Variants in PTPRN2 observed in about 807,000 individuals in gnomAD.
PTPRN2 encodes protein tyrosine phosphatase receptor type N2, also known as receptor-type tyrosine-protein phosphatase N2.
In PTPRN2, 74 loss-of-function variants were observed where a neutral mutation model predicts 118.8. That is an observed-to-expected ratio of 0.62 (90% CI 0.52 to 0.76). The LOEUF (loss-of-function observed/expected upper bound fraction) is 0.76. Ranked by LOEUF, PTPRN2 falls within the 30% of genes least tolerant of loss-of-function variation. The pLI, the probability that PTPRN2 is intolerant of heterozygous loss-of-function variation, is 0.00. For missense variants in PTPRN2, 1,481 were observed against 1,394.4 expected (o/e 1.06, Z -0.99); for synonymous variants, 641 against 608.0 (o/e 1.05, Z -0.80).
intron 12 of PTPRN2, among the ~76,000 whole-genome samples, chr7:157,778,910 C>G (rs903226322): frequency 7.9e-5 from 12 of 152,230 alleles, no homozygotes; most frequent in Non-Finnish European, 7.3e-5. Flanking sequence ...GCTCTCTGGA[C>G]AGACCACATT....
Position 157,617,031 on chromosome 7 carries a change from A to G in PTPRN2, c.2344+4331T>C, listed in dbSNP as rs749824198. The stretch of plus-strand genomic sequence containing the variant: ...ACACGCACAATCTCAGGTGAGCCCA[A>G]GACAGCCTATGAGGATGGCACTGGG... On this transcript the variant is annotated intron_variant, in intron 15 of 22. Transcript: ENST00000389418. This position sits in a 1 kb window ranked among gnomAD's most constrained non-coding sequence, Gnocchi z 7.5. The G allele has an allele frequency of 6.6e-6, 1 of 152,290 alleles. No homozygotes were observed. Among genetic ancestry groups the G allele is most frequent in the African/African-American group, 2.4e-5 (1 of 41,468 alleles). The allele number at this position is 152,290 out of a possible 1,614,324, so 9.4% of individuals were successfully genotyped here. A position where few individuals can be genotyped will look rare whatever the true frequency, so the allele number is the denominator to read the frequency against.
intron 3 of PTPRN2, among the ~76,000 whole-genome samples, chr7:158,209,934 A>G (rs981464513): frequency 6.6e-6 from 1 of 152,214 alleles, no homozygotes; most frequent in Non-Finnish European, 1.5e-5. Context: ...ATTAAACAAT[A>G]TGCTTCTGAA....
intron 2 of PTPRN2, among the ~76,000 whole-genome samples, chr7:158,365,554 G>A (rs900998142): frequency 6.6e-6 from 1 of 152,188 alleles, no homozygotes; most frequent in Non-Finnish European, 1.5e-5. Context: ...AGGTGTTGTT[G>A]AAGCCCGTTA....
intron 1 of PTPRN2, among the ~76,000 whole-genome samples, chr7:158,548,120 A>G (rs966209947): frequency 2.0e-5 from 3 of 152,212 alleles, no homozygotes; most frequent in Non-Finnish European, 4.4e-5. Context: ...AGCAGGCGAC[A>G]TCCACTCTGC....
chr7:158,512,190 G>C (rs1181555386), intron 1 of PTPRN2, among the ~76,000 whole-genome samples: 10 of 152,194 alleles, frequency 6.6e-5, no homozygotes, highest in South Asian at 4.1e-4. Context: ...CTCTGGAAAC[G>C]AGCAGAGCCT....
chr7:157,696,057 G>A (rs1447951502), intron 12 of PTPRN2, among the ~76,000 whole-genome samples: 2 of 121,006 alleles, frequency 1.7e-5, no homozygotes, highest in Non-Finnish European at 3.4e-5. Context: ...ACTGGGTCTT[G>A]GAAGAGCCCT....
rs374831408 is a variant in PTPRN2 at position 158,134,036 on chromosome 7, G to C, written c.1197C>G (p.Leu399=). The C allele has an allele frequency of 6.2e-6, 10 of 1,613,548 alleles. No homozygotes were observed. Among genetic ancestry groups the C allele is most frequent in the Non-Finnish European group, 8.5e-6 (10 of 1,179,882 alleles). Residue 399 remains leucine (L), a synonymous_variant, in exon 9 of 23, where the codon CTC becomes CTG. Transcript: ENST00000389418. The part of the protein sequence containing the change: ...YQEVHRLSAT[L]GGLLQDHGSR... ...ACCCGTGGTCCTGCAGGAGGCCCCCGAGTGTGGCACTCAGACGATGGACCT... is the reference window on the plus strand; with the variant it reads ...ACCCGTGGTCCTGCAGGAGGCCCCCCAGTGTGGCACTCAGACGATGGACCT...
intron 11 of PTPRN2, among the ~76,000 whole-genome samples, chr7:158,025,249 A>T (rs534536195): frequency 1.3e-5 from 2 of 152,286 alleles, no homozygotes; most frequent in African/African-American, 4.8e-5. Flanking sequence ...TGGCAGGTAA[A>T]GCCACAATGC....
chr7:158,091,828 G>A (rs1327065507), intron 10 of PTPRN2, among the ~76,000 whole-genome samples: 1 of 65,198 alleles, frequency 1.5e-5, no homozygotes, highest in Non-Finnish European at 3.1e-5. Flanking sequence ...GGTTGGGTGA[G>A]TGGATGGGTG....
intron 1 of PTPRN2, among the ~76,000 whole-genome samples, chr7:158,532,285 T>G (rs1164186181): frequency 7.2e-5 from 11 of 152,196 alleles, no homozygotes; most frequent in African/African-American, 2.7e-4. Flanking sequence ...CTGTCCATTC[T>G]CAAGCCACGT....
Position 158,254,170 on chromosome 7 carries a change from G to C in PTPRN2, c.278-48897C>G, listed in dbSNP as rs377238508. 6.6e-3 allele frequency among the ~76,000 whole-genome samples: 154 copies of C among 23,190 alleles called. 10 individuals are homozygous for C. The highest frequency in any genetic ancestry group is 0.048 in the Middle Eastern group (2 of 42). 15.2% of individuals were successfully genotyped at this position (23,190 alleles called of 152,430 possible). On this transcript the variant is annotated intron_variant, in intron 3 of 22. Coordinates refer to ENST00000389418, the MANE Select transcript of PTPRN2 (RefSeq NM_002847.5). ...ACGTTCAGGAGCATCCCTGTAACTG[G>C]ACAGTGGCACAGAGCCACTGCCGCC...
chr7:157,954,321 T>C (rs1279409273), intron 11 of PTPRN2, among the ~76,000 whole-genome samples: 1 of 144,958 alleles, frequency 6.9e-6, no homozygotes, highest in East Asian at 2.1e-4. Context: ...GTACTGTGTG[T>C]GTGCTGTGTG....
intron 2 of PTPRN2, among the ~76,000 whole-genome samples, chr7:158,432,265 C>T (rs1816266794): frequency 6.6e-6 from 1 of 152,222 alleles, no homozygotes; most frequent in Non-Finnish European, 1.5e-5. Context: ...AGCGGCGGGG[C>T]CTTGAGCCAG....
chr7:158,351,695 C>T (rs1310563623), intron 2 of PTPRN2, among the ~76,000 whole-genome samples: 6 of 152,078 alleles, frequency 3.9e-5, no homozygotes, highest in East Asian at 1.9e-4. Context: ...TGCAGGCAGC[C>T]GGGCCAGTCC....
chr7:157,682,204 A>G (rs1796945845), intron 13 of PTPRN2, among the ~76,000 whole-genome samples: 2 of 152,130 alleles, frequency 1.3e-5, no homozygotes, highest in East Asian at 1.9e-4. Context: ...TGGTGCCTCT[A>G]GAGAAGGTGT....
intron 16 of PTPRN2, among the ~76,000 whole-genome samples, chr7:157,602,593 G>A (rs1022912558): frequency 6.6e-5 from 10 of 151,830 alleles, no homozygotes; most frequent in African/African-American, 2.4e-4. Flanking sequence ...ATCAGTGACC[G>A]CTGAGACCAG....
At chr7:158,243,402 C>T (rs754028799) in intron 3 of PTPRN2, among the ~76,000 whole-genome samples, 65 of 152,218 alleles carry the variant, frequency 4.3e-4, no homozygotes, top group Non-Finnish European at 4.6e-4. Context: ...GTGAGCACAA[C>T]AGCCTGGACA....
At chr7:157,879,490 T>C (rs920413162) in intron 12 of PTPRN2, among the ~76,000 whole-genome samples, 2 of 152,234 alleles carry the variant, frequency 1.3e-5, no homozygotes, top group African/African-American at 2.4e-5. Flanking sequence ...TTAAGCTCCA[T>C]GCAGAGTGTC....
At chr7:158,518,844 G>C (rs1249910588) in intron 1 of PTPRN2, among the ~76,000 whole-genome samples, 1 of 152,116 alleles carries the variant, frequency 6.6e-6, no homozygotes, top group African/African-American at 2.4e-5. Flanking sequence ...AATTAGCTGG[G>C]CATGTTGCTG....
Sources: allele counts gnomAD v4.1 joint callset (sites outside exome capture counted in the v4.1 genomes callset), GRCh38; gene constraint gnomAD v4.1.1; non-coding constraint Gnocchi (gnomAD v3.1); transcripts MANE v1.5; gene names NCBI Gene and HGNC (gene_info 2026-07-23, HGNC 2026-07-21).